The following NDC1 variants were observed in gnomAD, a reference collection of about 807,000 sequenced individuals.
NDC1 encodes nucleoporin NDC1.
NDC1 carries 24 observed loss-of-function variants against 89.8 expected under a neutral mutation model. The observed-to-expected ratio is 0.27, with a 90% confidence interval of 0.19 to 0.38. NDC1 has a LOEUF of 0.38. NDC1 is among the 10% of genes least tolerant of loss of function. NDC1 has a pLI of 1.00. For synonymous variants in NDC1, 296 were observed against 284.8 expected, an observed-to-expected ratio of 1.04 and a Z score of -0.39; for missense variants, 728 against 797.6, an observed-to-expected ratio of 0.91 and a Z score of 1.05.
Position 53,807,676 on chromosome 1 carries a change from A to T in NDC1, c.871T>A (p.Phe291Ile). The part of the protein sequence containing the change: ...LTTWYVSWIL[F>I]KIYATEAHVF... ...CATACCTCTGTGGCATAGATTTTGA[A>T]GAGTATCCATGAGACATACCAAGTC... The change falls in exon 8 of 18, where the codon TTC (phenylalanine) becomes ATC (isoleucine). Residue 291 changes from phenylalanine (F) to isoleucine (I), a missense_variant. Physicochemically the swap from Phe to Ile is conservative, Grantham distance 21 (BLOSUM62 0). Transcript: ENST00000371429. 6.2e-7 allele frequency: 1 copy of T among 1,608,540 alleles called. No homozygotes were observed. Among genetic ancestry groups the T allele is most frequent in the Non-Finnish European group, 8.5e-7 (1 of 1,178,412 alleles).
chr1:53,795,326 T>C (rs1321283736), intron 13 of NDC1, among the ~76,000 whole-genome samples: 1 of 152,158 alleles, frequency 6.6e-6, no homozygotes, highest in African/African-American at 2.4e-5. Flanking sequence ...ATACTATCTA[T>C]ACTCTGAAAA....
rs767143127 is a variant in NDC1 at position 53,807,644 on chromosome 1, T to TA, written c.891+11dup. The TA allele has an allele frequency of 1.9e-6, 3 of 1,585,544 alleles. No individual in the cohort carries two copies. Among genetic ancestry groups the TA allele is most frequent in the Non-Finnish European group, 2.6e-6 (3 of 1,172,280 alleles). On this transcript the variant is annotated intron_variant, in intron 8 of 17. Coordinates refer to ENST00000371429, the MANE Select transcript of NDC1 (RefSeq NM_018087.5). ...ACAAAAGTATTAAGAAAAAATATTT[T>TA]AAAAAACATACCTCTGTGGCATAGA... is the stretch of plus-strand genomic sequence containing the variant.
intron 2 of NDC1, among the ~76,000 whole-genome samples, chr1:53,833,224 T>C (rs966867041): frequency 6.6e-5 from 10 of 151,964 alleles, no homozygotes; most frequent in Non-Finnish European, 2.9e-5. Context: ...GTGTAGTGGC[T>C]CAATCTTGGC....
At chr1:53,815,850 G>A (rs542015579) in intron 6 of NDC1, among the ~76,000 whole-genome samples, 3 of 152,108 alleles carry the variant, frequency 2.0e-5, no homozygotes, top group African/African-American at 7.2e-5. Context: ...AACCCTTTTA[G>A]AATAGCTGCA....
chr1:53,792,098 G>A (rs1477830028), intron 14 of NDC1, among the ~76,000 whole-genome samples: 3 of 151,742 alleles, frequency 2.0e-5, no homozygotes, highest in Non-Finnish European at 2.9e-5. Flanking sequence ...GCCCACCACT[G>A]CGCCTGGCTA....
chr1:53,780,221 C>CG (rs1647194235), intron 16 of NDC1, among the ~76,000 whole-genome samples: 2 of 152,156 alleles, frequency 1.3e-5, no homozygotes, highest in South Asian at 2.1e-4. Flanking sequence ...TACAAGCGTC[C>CG]GCCACCACCC....
intron 2 of NDC1, among the ~76,000 whole-genome samples, chr1:53,833,913 C>T (rs993670305): frequency 6.6e-6 from 1 of 151,586 alleles, no homozygotes; most frequent in Admixed American, 6.6e-5. Flanking sequence ...GCAGCCTCCA[C>T]CCCCCACTCC....
intron 16 of NDC1, among the ~76,000 whole-genome samples, chr1:53,780,245 TG>T (rs1271437707): frequency 6.6e-6 from 1 of 152,096 alleles, no homozygotes; most frequent in Non-Finnish European, 1.5e-5. Flanking sequence ...GCTAATTTTT[TG>T]TATTTTTAGT....
intron 3 of NDC1, among the ~76,000 whole-genome samples, chr1:53,832,126 T>C (rs897018811): frequency 6.6e-6 from 1 of 152,180 alleles, no homozygotes; most frequent in Non-Finnish European, 1.5e-5. Context: ...GTATAACCAC[T>C]ACCACCATCC....
chr1:53,774,048 C>T (rs900312705), intron 16 of NDC1, among the ~76,000 whole-genome samples: 2 of 152,174 alleles, frequency 1.3e-5, no homozygotes, highest in Admixed American at 6.5e-5. Context: ...GCTAAGTTAG[C>T]GATCTCAACC....
chr1:53,800,591 C>T (rs767366152), intron 11 of NDC1, 102 bp downstream of exon 11: 393 of 1,298,532 alleles, frequency 3.0e-4, no homozygotes, highest in Non-Finnish European at 4.1e-4. Context: ...TCCCAAAGTG[C>T]GGGGATAACA....
Position 53,825,918 on chromosome 1 carries a change from C to T in NDC1, c.474G>A (p.Ala158=), listed in dbSNP as rs764127216. The T allele has an allele frequency of 1.7e-5, 27 of 1,611,204 alleles. No individual in the cohort carries two copies. In the East Asian group the frequency reaches 4.5e-4, roughly 27 times the overall value. ...TGTNSFGSPA[A]QTCLNEYHLF... is the part of the protein sequence containing the mutation. ...GATGATATTCATTTAAGCAGGTTTG[C>T]GCAGCAGGGCTACCAAAGCTGAAGG... The change falls in exon 5 of 18, where the codon GCG becomes GCA. Residue 158 remains alanine (A), a synonymous_variant. Transcript: ENST00000371429.
rs778042216 is a variant in NDC1, at chr1:53,838,288, G to C, written c.-27C>G. The stretch of plus-strand genomic sequence containing the variant: ...GAGATGGCGGCCCCTAGTCTAGGGC[G>C]TACAGGAGACCGTGCGCCCGCCCGC... On this transcript the variant is annotated 5_prime_UTR_variant, in exon 1 of 18. Transcript: ENST00000371429. 3 of 1,519,686 alleles carry C rather than the reference G, an allele frequency of 2.0e-6. No individual in the cohort carries two copies. The highest frequency in any genetic ancestry group is 2.8e-5 in the African/African-American group (2 of 71,670). 94.1% of individuals were successfully genotyped at this position (1,519,686 alleles called of 1,614,324 possible). A position where few individuals can be genotyped will look rare whatever the true frequency, so the allele number is the denominator to read the frequency against.
intron 6 of NDC1, among the ~76,000 whole-genome samples, chr1:53,818,625 G>C (rs1445620821): frequency 6.6e-6 from 1 of 152,074 alleles, no homozygotes; most frequent in Non-Finnish European, 1.5e-5. Context: ...TTAAGAGTTT[G>C]ACTATTTTAG....
intron 6 of NDC1, among the ~76,000 whole-genome samples, chr1:53,816,781 C>T (rs1037171551): frequency 6.6e-6 from 1 of 151,302 alleles, no homozygotes; most frequent in Non-Finnish European, 1.5e-5. Context: ...AAAAAACAAA[C>T]AATCCCATCA....
intron 16 of NDC1, among the ~76,000 whole-genome samples, chr1:53,778,297 T>A (rs575435147): frequency 7.0e-4 from 99 of 141,482 alleles, no homozygotes; most frequent in East Asian, 6.5e-3. Context: ...ACACACACAC[T>A]GTCACATTTT....
rs56393499 is a variant in NDC1, at chr1:53,807,246, C to CA, written c.891+409dup. On this transcript the variant is annotated intron_variant, in intron 8 of 17. Transcript: ENST00000371429. ...TGGGTGACAGAGCGAGACCCTATCT[C>CA]AAAAAAAAAAAAAAAAAAAAAAAAA... Among the ~76,000 whole-genome samples the CA allele has an allele frequency of 7.8e-4, 43 of 55,254 alleles. 1 individual carries two copies. The highest frequency in any genetic ancestry group is 0.01 in the Middle Eastern group (1 of 96). The allele number at this position is 55,254 out of a possible 152,430, so 36.2% of individuals were successfully genotyped here.
At chr1:53,815,287 GA>G (rs1445807436) in intron 6 of NDC1, among the ~76,000 whole-genome samples, 2 of 152,172 alleles carry the variant, frequency 1.3e-5, no homozygotes, top group Admixed American at 6.5e-5. Context: ...GGGATGCAGG[GA>G]TGGTTTAACA....
intron 15 of NDC1, among the ~76,000 whole-genome samples, chr1:53,787,636 C>T (rs1399562445): frequency 7.6e-5 from 11 of 144,660 alleles, no homozygotes; most frequent in Admixed American, 7.0e-4. Flanking sequence ...GGGACTGTCT[C>T]GAAAATAAAA....
Sources: allele counts gnomAD v4.1 joint callset (sites outside exome capture counted in the v4.1 genomes callset), GRCh38; gene constraint gnomAD v4.1.1; transcripts MANE v1.5; gene names NCBI Gene and HGNC (gene_info 2026-07-23, HGNC 2026-07-21).